Variants in SNX9 observed in about 807,000 individuals in gnomAD.
SNX9 encodes sorting nexin-9.
A neutral mutation model predicts 89.4 loss-of-function variants in SNX9; 44 were observed. That is an observed-to-expected ratio of 0.49 (90% CI 0.39 to 0.63). SNX9 has a LOEUF of 0.63. Among genes scored for constraint, SNX9 ranks in the 30% least tolerant of loss-of-function variants. The pLI, the probability that SNX9 is intolerant of heterozygous loss-of-function variation, is 0.00. For synonymous variants in SNX9, 236 were observed against 247.8 expected (o/e 0.95, Z 0.45); for missense variants, 578 against 736.1 (o/e 0.79, Z 2.49).
At chr6:157,834,733 G>T (rs1781551357) in intron 1 of SNX9, among the ~76,000 whole-genome samples, 1 of 152,084 alleles carries the variant, frequency 6.6e-6, no homozygotes, top group South Asian at 2.1e-4. Context: ...ATCCATGGCT[G>T]CACACTTAGT....
chr6:157,825,833 TC>T (rs1781333064), intron 1 of SNX9, among the ~76,000 whole-genome samples: 2 of 152,138 alleles, frequency 1.3e-5, no homozygotes, highest in South Asian at 4.1e-4. Context: ...GCACACTCCT[TC>T]CCCACACCTG....
At chr6:157,932,295 A>G in intron 13 of SNX9, 23 bp downstream of exon 13, 2 of 1,611,146 alleles carry the variant, frequency 1.2e-6, no homozygotes, top group Non-Finnish European at 1.7e-6. Flanking sequence ...TCATTCATCC[A>G]GTGGGCCTTT....
intron 12 of SNX9, among the ~76,000 whole-genome samples, chr6:157,929,340 G>T (rs1186535143): frequency 1.3e-5 from 2 of 152,232 alleles, no homozygotes; most frequent in Non-Finnish European, 2.9e-5. Flanking sequence ...CAGCTGTAGG[G>T]CTAATGCCAC....
intron 1 of SNX9, among the ~76,000 whole-genome samples, chr6:157,834,146 T>C (rs533134732): frequency 7.9e-6 from 1 of 126,690 alleles, no homozygotes; most frequent in African/African-American, 3.2e-5. Context: ...TGGTGTCCAC[T>C]GTGGTTTTTT....
chr6:157,840,415 C>A (rs1181111132), intron 1 of SNX9, among the ~76,000 whole-genome samples: 10 of 143,426 alleles, frequency 7.0e-5, no homozygotes, highest in African/African-American at 2.3e-4. Flanking sequence ...TACTTTCTTT[C>A]TTTCTTTTCT....
chr6:157,925,532 A>G (rs561677236), intron 10 of SNX9, among the ~76,000 whole-genome samples: 4 of 152,104 alleles, frequency 2.6e-5, no homozygotes, highest in Non-Finnish European at 5.9e-5. Flanking sequence ...TCTACATAAC[A>G]GCTTCATTCA....
chr6:157,921,440 G>A (rs1783578879), intron 9 of SNX9, 91 bp from the exon 10 acceptor site: 1 of 1,351,738 alleles, frequency 7.4e-7, no homozygotes. Context: ...CCAATAGCCA[G>A]TAGACATAGA....
chr6:157,825,459 A>G (rs1248438132), intron 1 of SNX9, among the ~76,000 whole-genome samples: 2 of 152,164 alleles, frequency 1.3e-5, no homozygotes, highest in African/African-American at 4.8e-5. Flanking sequence ...ATTTTTTTCC[A>G]AAAAATCGAA....
chr6:157,884,576 C>T (rs1160373710), intron 4 of SNX9, among the ~76,000 whole-genome samples: 1 of 152,022 alleles, frequency 6.6e-6, no homozygotes, highest in East Asian at 1.9e-4. Context: ...AGGTTCTTTC[C>T]ATCTCTTCAC....
intron 4 of SNX9, among the ~76,000 whole-genome samples, chr6:157,878,330 GA>G (rs1256958554): frequency 6.6e-6 from 1 of 152,134 alleles, no homozygotes; most frequent in Non-Finnish European, 1.5e-5. Flanking sequence ...TAAATGGACT[GA>G]AACAGTTTGA....
intron 12 of SNX9, 46 bp from the exon 13 acceptor site, chr6:157,932,149 T>C: frequency 6.5e-7 from 1 of 1,542,782 alleles, no homozygotes; most frequent in Non-Finnish European, 9.0e-7. Flanking sequence ...TAATCCCATT[T>C]CAGTTTGCTC....
chr6:157,832,315 C>CA (rs1331015910), intron 1 of SNX9, among the ~76,000 whole-genome samples: 1 of 152,198 alleles, frequency 6.6e-6, no homozygotes, highest in Non-Finnish European at 1.5e-5. Context: ...TTGTCATCCA[C>CA]AACTCATTCA....
At chr6:157,886,245 T>C (rs1487849654) in intron 4 of SNX9, among the ~76,000 whole-genome samples, 1 of 152,074 alleles carries the variant, frequency 6.6e-6, no homozygotes, top group African/African-American at 2.4e-5. Context: ...GTTTATTTCT[T>C]ACTGGTCCCA....
At chr6:157,897,134 G>T (rs767000206) in intron 5 of SNX9, 136 bp downstream of exon 5, 24 of 826,848 alleles carry the variant, frequency 2.9e-5, no homozygotes, top group African/African-American at 1.0e-4. Flanking sequence ...TGGGAAGGGA[G>T]GATTGCCCCA....
At chr6:157,927,368 A>C (rs989277601) in intron 11 of SNX9, among the ~76,000 whole-genome samples, 154 bp downstream of exon 11, 4 of 152,206 alleles carry the variant, frequency 2.6e-5, no homozygotes, top group African/African-American at 9.6e-5. Context: ...GGGAAACATC[A>C]TTTGTACATA....
chr6:157,942,913 C>T lies in SNX9; in HGVS notation c.*75C>T. On this transcript the variant is annotated 3_prime_UTR_variant, in exon 18 of 18. Transcript: ENST00000392185. ...GCAATGCAATTCAAAACTTTTTTTC[C>T]CCTATTATTCAGAAAAAAAAGGAAA... 3 of 1,446,300 alleles carry T rather than the reference C, an allele frequency of 2.1e-6. No homozygotes were observed. Among genetic ancestry groups the T allele is most frequent in the South Asian group, 1.3e-5 (1 of 75,704 alleles). 89.6% of individuals were successfully genotyped at this position (1,446,300 alleles called of 1,614,324 possible).
rs1783109987 is a variant in SNX9, at chr6:157,902,037, C to T, written c.612C>T (p.Pro204=). The change falls in exon 6 of 18, where the codon CCC becomes CCT. Residue 204 remains proline, a synonymous_variant. Coordinates refer to ENST00000392185, the MANE Select transcript of SNX9 (RefSeq NM_016224.5). Reference sequence around the variant, plus strand: ...CTAGTTCCTCATCCATGAAAATTCCCCTTAACAAGTAAGTTTAAAGGGGAG... The same window carrying T: ...CTAGTTCCTCATCCATGAAAATTCCTCTTAACAAGTAAGTTTAAAGGGGAG... ...SRASSSSMKI[P]LNKFPGFAKP... 2 of 1,612,924 alleles carry T rather than the reference C, an allele frequency of 1.2e-6. No homozygotes were observed. The highest frequency in any genetic ancestry group is 1.7e-5 in the Admixed American group (1 of 59,840).
intron 1 of SNX9, among the ~76,000 whole-genome samples, chr6:157,862,218 A>G (rs979933972): frequency 6.6e-6 from 1 of 152,220 alleles, no homozygotes; most frequent in Non-Finnish European, 1.5e-5. Flanking sequence ...CATTTAGATT[A>G]AGGACAAATA....
At chr6:157,869,689 G>A (rs1055870477) in intron 2 of SNX9, among the ~76,000 whole-genome samples, 6 of 152,112 alleles carry the variant, frequency 3.9e-5, no homozygotes, top group African/African-American at 1.4e-4. Flanking sequence ...GTGTGGCCAG[G>A]TCATTCCTCG....
Sources: allele counts gnomAD v4.1 joint callset (sites outside exome capture counted in the v4.1 genomes callset), GRCh38; gene constraint gnomAD v4.1.1; transcripts MANE v1.5; gene names NCBI Gene and HGNC (gene_info 2026-07-23, HGNC 2026-07-21).